LRP2: variants seen among roughly 807,000 people sequenced by gnomAD.
LRP2 encodes LDL receptor related protein 2.
In LRP2, 172 loss-of-function variants were observed where a neutral mutation model predicts 531.0. That is an observed-to-expected ratio of 0.32 (90% CI 0.29 to 0.37). The LOEUF is 0.37. Ranked by LOEUF, LRP2 falls within the 10% of genes least tolerant of loss-of-function variation. The pLI is 1.00. For missense variants in LRP2, 5,167 were observed against 5,868.3 expected, an observed-to-expected ratio of 0.88 and a Z score of 3.90; for synonymous variants, 1,992 against 2,027.6, an observed-to-expected ratio of 0.98 and a Z score of 0.47.
At chr2:169,298,927 T>C (rs2244407) in intron 4 of LRP2, among the ~76,000 whole-genome samples, 143,413 of 151,738 alleles carry the variant, frequency 0.95, 68,072 homozygotes, top group Non-Finnish European at 0.99. Context: ...GGACTAGCTC[T>C]TAGGGAATGC....
intron 50 of LRP2, chr2:169,182,720 G>GTT: frequency 1.1e-5 from 8 of 707,078 alleles, no homozygotes; most frequent in African/African-American, 1.9e-5. Context: ...GTCTAAGTGT[G>GTT]TCATTGAAAC....
Position 169,185,590 on chromosome 2 carries a change from C to G in LRP2, c.9758G>C (p.Arg3253Thr), listed in dbSNP as rs762679368. 6 of 1,614,090 alleles carry G rather than the reference C, an allele frequency of 3.7e-6. No homozygotes were observed. Among genetic ancestry groups the G allele is most frequent in the Non-Finnish European group, 5.1e-6 (6 of 1,179,986 alleles). The change falls in exon 50 of 79, where the codon AGA becomes ACA. Residue 3253 changes from arginine (R) to threonine (T), a missense_variant. Physicochemically the swap from Arg to Thr is moderately conservative, Grantham distance 71. This residue lies in a region of LRP2 where 1,129 missense variants were observed against 1,362.7 expected (regional missense o/e 0.83). Transcript: ENST00000649046. ...WIDTQRQVIERMFLNKTNKET... is the reference protein window; with the variant it reads ...WIDTQRQVIETMFLNKTNKET... Reference sequence around the variant, plus strand: ...CTTGTTTGTCTTATTCAGAAACATTCTCTCAATGACTTGCCTCTGTGTATC... The same window carrying G: ...CTTGTTTGTCTTATTCAGAAACATTGTCTCAATGACTTGCCTCTGTGTATC...
Position 169,156,372 on chromosome 2 carries a change from G to C in LRP2, c.12053C>G (p.Pro4018Arg). Residue 4018 changes from proline (P) to arginine (R), a missense_variant, in exon 65 of 79, where the codon CCC (proline) becomes CGC (arginine). Pro to Arg is a moderately radical substitution (Grantham distance 103, BLOSUM62 -2). Around this residue, in one of 6 missense-constraint regions of LRP2, gnomAD observed 564 missense variants for 747.7 expected, o/e 0.75. Transcript: ENST00000649046. ...TCCTTTGGTATTTCTGCAGTGCTGG[G>C]GACAAGTCCCAAATTGTTCACATTC... ...INECEQFGTC[P>R]QHCRNTKGSY... 6.2e-7 allele frequency: 1 copy of C among 1,613,494 alleles called. No individual in the cohort carries two copies. Among genetic ancestry groups the C allele is most frequent in the Non-Finnish European group, 8.5e-7 (1 of 1,179,632 alleles).
intron 63 of LRP2, among the ~76,000 whole-genome samples, chr2:169,161,696 A>G (rs1686592936): frequency 6.6e-6 from 1 of 151,644 alleles, no homozygotes; most frequent in Non-Finnish European, 1.5e-5. Context: ...CTGTTCCTGA[A>G]CTCCTGGGCT....
chr2:169,301,613 C>T (rs989333353), intron 4 of LRP2, among the ~76,000 whole-genome samples: 5 of 152,146 alleles, frequency 3.3e-5, no homozygotes, highest in East Asian at 3.9e-4. Context: ...AAAGACCAAA[C>T]GCAATAAGAA....
At position 169,166,062 on chromosome 2, in the gene LRP2, G is replaced by T. The variant is rs754868752; in HGVS notation, c.11636-8C>A. 1.9e-5 allele frequency: 30 copies of T among 1,613,750 alleles called. 1 individual carries two copies. The South Asian group carries it at 3.3e-4, about 18-fold the overall frequency. On this transcript the variant is annotated splice_region_variant and splice_polypyrimidine_tract_variant and intron_variant, in intron 61 of 78. Coordinates refer to ENST00000649046, the MANE Select transcript of LRP2 (RefSeq NM_004525.3). ...AATTACAGGGAACATCCACTGAAAG[G>T]AAAGATAGAAAAATGAAATTACAAG...
intron 63 of LRP2, 66 bp downstream of exon 63, chr2:169,162,406 A>T (rs1686621364): frequency 1.9e-6 from 3 of 1,565,672 alleles, no homozygotes; most frequent in Non-Finnish European, 2.6e-6. Flanking sequence ...ACATTATGTT[A>T]TTGCATGTTT....
At chr2:169,131,288 T>C (rs989204726) in intron 77 of LRP2, among the ~76,000 whole-genome samples, 1 of 138,208 alleles carries the variant, frequency 7.2e-6, no homozygotes, top group African/African-American at 2.7e-5. Flanking sequence ...TGTGTGTGTG[T>C]GACATGAGAA....
intron 34 of LRP2, among the ~76,000 whole-genome samples, chr2:169,218,814 C>T (rs1365524464): frequency 6.6e-6 from 1 of 152,112 alleles, no homozygotes; most frequent in Non-Finnish European, 1.5e-5. Flanking sequence ...GATCTTGATA[C>T]TCAGAATGAC....
intron 56 of LRP2, among the ~76,000 whole-genome samples, chr2:169,173,685 T>C (rs1329224852): frequency 6.6e-6 from 1 of 152,196 alleles, no homozygotes; most frequent in African/African-American, 2.4e-5. Flanking sequence ...TTCTGGTTGG[T>C]TAGACATTCT....
chr2:169,335,030 C>T (rs1685366820), intron 1 of LRP2, among the ~76,000 whole-genome samples: 1 of 152,168 alleles, frequency 6.6e-6, no homozygotes, highest in Non-Finnish European at 1.5e-5. Flanking sequence ...ACACTGAAAG[C>T]ACAGATGGTG....
At chr2:169,327,980 G>A (rs1291569294) in intron 1 of LRP2, among the ~76,000 whole-genome samples, 1 of 110,794 alleles carries the variant, frequency 9.0e-6, no homozygotes, top group Admixed American at 8.3e-5. Context: ...CGGGAGGGAG[G>A]TGGGGGGGTT....
chr2:169,215,648 C>T (rs1015220794), intron 35 of LRP2, among the ~76,000 whole-genome samples: 1 of 149,526 alleles, frequency 6.7e-6, no homozygotes, highest in Admixed American at 6.7e-5. Flanking sequence ...TACCTATATC[C>T]TATACAGATA....
intron 15 of LRP2, 106 bp downstream of exon 15, chr2:169,272,821 A>G: frequency 6.9e-7 from 1 of 1,459,314 alleles, no homozygotes; most frequent in Non-Finnish European, 9.6e-7. Flanking sequence ...TCAAGAAGTT[A>G]GACAGGGAGC....
At chr2:169,213,970 C>T in intron 35 of LRP2, 100 bp from the exon 36 acceptor site, 2 of 809,708 alleles carry the variant, frequency 2.5e-6, no homozygotes, top group Non-Finnish European at 4.2e-6. Flanking sequence ...CACATTTATA[C>T]AGCCCTCTAT....
intron 1 of LRP2, among the ~76,000 whole-genome samples, chr2:169,342,960 T>G (rs1318646369): frequency 6.6e-6 from 1 of 152,228 alleles, no homozygotes; most frequent in Non-Finnish European, 1.5e-5. Context: ...TCATTGACTG[T>G]GATTCTTACA....
At chr2:169,300,050 C>T (rs1224451541) in intron 4 of LRP2, among the ~76,000 whole-genome samples, 1 of 152,060 alleles carries the variant, frequency 6.6e-6, no homozygotes, top group African/African-American at 2.4e-5. Flanking sequence ...AGATACTGTG[C>T]TAAGAATTAA....
chr2:169,275,008 G>A (rs747596668), intron 14 of LRP2, 28 bp downstream of exon 14: 15 of 1,601,080 alleles, frequency 9.4e-6, no homozygotes, highest in Admixed American at 1.7e-5. Flanking sequence ...CCGGTACCAA[G>A]CATGGTTACC....
intron 63 of LRP2, among the ~76,000 whole-genome samples, chr2:169,160,519 C>T (rs1366634676): frequency 6.6e-6 from 1 of 151,778 alleles, no homozygotes; most frequent in African/African-American, 2.4e-5. Context: ...AAGACAAAGG[C>T]AAATAAATTA....
Sources: gnomAD v4.1 joint callset for allele counts (sites outside exome capture counted in the v4.1 genomes callset) on GRCh38, gnomAD v4.1.1 for gene constraint, gnomAD v4.1.1 regional missense constraint, MANE v1.5 for transcripts, NCBI Gene and HGNC (gene_info 2026-07-23, HGNC 2026-07-21) for gene names.